BANK1: variants seen among roughly 807,000 people sequenced by gnomAD.
The protein encoded by BANK1 is B-cell scaffold protein with ankyrin repeats.
Under a neutral mutation model 94.5 loss-of-function variants are expected in BANK1, and 95 were observed. That is an observed-to-expected ratio of 1.00 (90% confidence interval 0.85 to 1.19). The LOEUF is 1.19. Among genes scored for constraint, BANK1 ranks in the 50% most tolerant of loss-of-function variants. The pLI, the probability that BANK1 is intolerant of heterozygous loss-of-function variation, is 0.00. For synonymous variants in BANK1, 334 were observed against 308.4 expected (o/e 1.08, Z -0.87); for missense variants, 987 against 932.2 (o/e 1.06, Z -0.77).
At chr4:102,013,340 A>C (rs978217202) in intron 7 of BANK1, among the ~76,000 whole-genome samples, 34 of 152,030 alleles carry the variant, frequency 2.2e-4, no homozygotes, top group African/African-American at 7.2e-4. Flanking sequence ...GTCCTCTCTT[A>C]TATCATTTTA....
At chr4:101,970,007 T>C (rs1446716139) in intron 7 of BANK1, among the ~76,000 whole-genome samples, 1 of 152,190 alleles carries the variant, frequency 6.6e-6, no homozygotes, top group Non-Finnish European at 1.5e-5. Flanking sequence ...AAGATACCTG[T>C]TTTGCCTCTG....
chr4:101,987,868 C>T (rs535497689), intron 7 of BANK1, among the ~76,000 whole-genome samples: 16 of 152,170 alleles, frequency 1.1e-4, no homozygotes, highest in South Asian at 1.0e-3. Context: ...GTTTGGGCAA[C>T]GAAACATGAG....
At chr4:101,867,765 T>TATAAATAA (rs59989392) in intron 4 of BANK1, among the ~76,000 whole-genome samples, 5,143 of 147,616 alleles carry the variant, frequency 0.035, 294 homozygotes, top group African/African-American at 0.12. Flanking sequence ...AAAAAATAAA[T>TATAAATAA]ATAAATAAAT....
At chr4:101,867,545 A>T (rs1329701440) in intron 4 of BANK1, among the ~76,000 whole-genome samples, 1 of 152,026 alleles carries the variant, frequency 6.6e-6, no homozygotes, top group Non-Finnish European at 1.5e-5. Context: ...GATCTAAAAG[A>T]TAAATGTGTG....
intron 7 of BANK1, among the ~76,000 whole-genome samples, chr4:101,937,203 A>G (rs938074677): frequency 6.6e-6 from 1 of 151,764 alleles, no homozygotes; most frequent in Non-Finnish European, 1.5e-5. Flanking sequence ...CCAGGCATTG[A>G]AAAACAAACT....
intron 11 of BANK1, among the ~76,000 whole-genome samples, chr4:102,049,022 A>C (rs1727965682): frequency 6.6e-6 from 1 of 152,122 alleles, no homozygotes; most frequent in South Asian, 2.1e-4. Flanking sequence ...GAAATTAGAA[A>C]TTTCTAGTCA....
intron 10 of BANK1, among the ~76,000 whole-genome samples, chr4:102,041,479 T>A (rs1727699855): frequency 6.6e-6 from 1 of 152,068 alleles, no homozygotes; most frequent in African/African-American, 2.4e-5. Context: ...TTTGGCAATA[T>A]GCTAATTGCT....
intron 7 of BANK1, among the ~76,000 whole-genome samples, chr4:101,939,169 C>T (rs902729134): frequency 7.9e-5 from 12 of 151,674 alleles, no homozygotes; most frequent in Non-Finnish European, 1.5e-4. Flanking sequence ...AACTTCTAGA[C>T]GTGTTCCCTT....
intron 1 of BANK1, among the ~76,000 whole-genome samples, chr4:101,811,298 T>A (rs772696671): frequency 2.2e-4 from 33 of 152,204 alleles, no homozygotes; most frequent in Non-Finnish European, 4.0e-4. Context: ...TATTTTAATA[T>A]CTTAGAACAT....
At chr4:101,852,908 C>T (rs1727543429) in intron 2 of BANK1, among the ~76,000 whole-genome samples, 1 of 152,026 alleles carries the variant, frequency 6.6e-6, no homozygotes, top group South Asian at 2.1e-4. Context: ...ATCCTGGATA[C>T]TGCCATGGTG....
intron 2 of BANK1, among the ~76,000 whole-genome samples, chr4:101,839,992 A>G (rs62321673): frequency 3.1e-4 from 19 of 60,436 alleles, no homozygotes; most frequent in Non-Finnish European, 5.1e-4. Flanking sequence ...TTTTTGAGAC[A>G]GAGTCTCGCT....
chr4:101,920,025 G>C (rs886721490), intron 7 of BANK1, among the ~76,000 whole-genome samples: 2 of 151,936 alleles, frequency 1.3e-5, no homozygotes, highest in Admixed American at 6.6e-5. Flanking sequence ...AAATTTGGAA[G>C]TCATATCTTC....
chr4:101,844,028 A>C (rs1189714421), intron 2 of BANK1, among the ~76,000 whole-genome samples: 1 of 152,246 alleles, frequency 6.6e-6, no homozygotes, highest in Non-Finnish European at 1.5e-5. Context: ...TATCCACTAA[A>C]TAATGGTTTT....
chr4:101,840,179 G>GTTT (rs1726990513), intron 2 of BANK1, among the ~76,000 whole-genome samples: 4 of 149,636 alleles, frequency 2.7e-5, no homozygotes, highest in African/African-American at 9.9e-5. Flanking sequence ...CGTTTTAGCC[G>GTTT]GGATGGTCTC....
intron 7 of BANK1, among the ~76,000 whole-genome samples, chr4:101,952,895 C>CA: frequency 6.6e-6 from 1 of 152,184 alleles, no homozygotes; most frequent in Non-Finnish European, 1.5e-5. Flanking sequence ...ATTAATGAAA[C>CA]AAAACCAGTA....
At chr4:101,831,435 T>G (rs1214896384) in intron 2 of BANK1, among the ~76,000 whole-genome samples, 1 of 152,180 alleles carries the variant, frequency 6.6e-6, no homozygotes, top group Non-Finnish European at 1.5e-5. Context: ...CCTTCTTATT[T>G]TCCAGTATTG....
At position 101,916,837 on chromosome 4, in the gene BANK1, G is replaced by T. The variant is rs182703310; in HGVS notation, c.1010-1156G>T. On this transcript the variant is annotated intron_variant, in intron 6 of 16. Coordinates refer to ENST00000322953, the MANE Select transcript of BANK1 (RefSeq NM_017935.5). ...TTTGCCACACCTTGGTTTGAATTAT[G>T]GCTTCTCTATTTACACCTTGGTAAT... 2.8e-4 allele frequency among the ~76,000 whole-genome samples: 42 copies of T among 151,990 alleles called. No individual in the cohort carries two copies. In the East Asian group the frequency reaches 6.8e-3, roughly 25 times the overall value.
At chr4:101,828,468 GCT>G (rs1285074576) in intron 1 of BANK1, among the ~76,000 whole-genome samples, 6 of 149,164 alleles carry the variant, frequency 4.0e-5, no homozygotes, top group Non-Finnish European at 7.4e-5. Flanking sequence ...ACTCCAGCAG[GCT>G]CTCTCATACC....
At chr4:102,000,238 G>A (rs758692213) in intron 7 of BANK1, among the ~76,000 whole-genome samples, 13 of 141,190 alleles carry the variant, frequency 9.2e-5, no homozygotes, top group East Asian at 6.5e-4. Context: ...TAGTAGAATC[G>A]CTTGAACCCG....
Sources: gnomAD v4.1 joint callset for allele counts (sites outside exome capture counted in the v4.1 genomes callset) on GRCh38, gnomAD v4.1.1 for gene constraint, MANE v1.5 for transcripts, NCBI Gene and HGNC (gene_info 2026-07-23, HGNC 2026-07-21) for gene names.